The following PEX5L variants were observed in gnomAD, a reference collection of about 807,000 sequenced individuals.
The protein encoded by PEX5L is peroxisomal biogenesis factor 5 like.
PEX5L carries 30 observed loss-of-function variants against 84.0 expected under a neutral mutation model. That is an observed-to-expected ratio of 0.36 (90% CI 0.27 to 0.48). The LOEUF (loss-of-function observed/expected upper bound fraction) is 0.48. PEX5L is among the 20% of genes least tolerant of loss of function. The pLI is 0.99. For synonymous variants in PEX5L, 270 were observed against 283.1 expected (o/e 0.95, Z 0.46); for missense variants, 533 against 754.6 (o/e 0.71, Z 3.44).
intron 8 of PEX5L, among the ~76,000 whole-genome samples, chr3:179,832,021 G>A (rs1473997279): frequency 1.3e-5 from 2 of 152,140 alleles, no homozygotes; most frequent in Admixed American, 6.5e-5. Flanking sequence ...GTTGAAATGA[G>A]GAGAATGGAG....
At chr3:179,984,943 C>G (rs1473718759) in intron 1 of PEX5L, among the ~76,000 whole-genome samples, 1 of 152,196 alleles carries the variant, frequency 6.6e-6, no homozygotes, top group East Asian at 1.9e-4. Context: ...CTTTGTCTAT[C>G]TAGAAAGTGC....
chr3:179,985,121 G>C (rs1352241980), intron 1 of PEX5L, among the ~76,000 whole-genome samples: 1 of 152,166 alleles, frequency 6.6e-6, no homozygotes, highest in Non-Finnish European at 1.5e-5. Flanking sequence ...TTGGATTTGG[G>C]CACAGCTCCT....
intron 8 of PEX5L, among the ~76,000 whole-genome samples, chr3:179,833,083 TCC>T (rs1280960988): frequency 1.3e-5 from 2 of 152,220 alleles, no homozygotes; most frequent in African/African-American, 4.8e-5. Flanking sequence ...GTCCAACTCC[TCC>T]TTATGAGGAT....
chr3:180,021,013 G>A (rs1350534639), intron 1 of PEX5L, among the ~76,000 whole-genome samples: 1 of 152,156 alleles, frequency 6.6e-6, no homozygotes, highest in Non-Finnish European at 1.5e-5. Context: ...CCACCAAGAA[G>A]TAGGGTAAGG....
At chr3:180,025,366 T>C (rs1301230175) in intron 1 of PEX5L, among the ~76,000 whole-genome samples, 2 of 152,200 alleles carry the variant, frequency 1.3e-5, no homozygotes, top group Non-Finnish European at 1.5e-5. Flanking sequence ...GTAAAGAGTA[T>C]ATACTTTGCA....
At chr3:179,914,589 T>TGAAG (rs1209881369) in intron 2 of PEX5L, among the ~76,000 whole-genome samples, 41 of 152,366 alleles carry the variant, frequency 2.7e-4, no homozygotes, top group African/African-American at 9.6e-4. Context: ...GATGGATGAA[T>TGAAG]GAAGGCATGA....
At chr3:179,868,505 T>C (rs977240280) in intron 7 of PEX5L, among the ~76,000 whole-genome samples, 7 of 152,126 alleles carry the variant, frequency 4.6e-5, no homozygotes, top group Non-Finnish European at 1.0e-4. Flanking sequence ...ATCAAAATGT[T>C]TTACTCCAAA....
intron 2 of PEX5L, among the ~76,000 whole-genome samples, chr3:179,926,609 C>T (rs1305864149): frequency 6.6e-6 from 1 of 152,174 alleles, no homozygotes; most frequent in African/African-American, 2.4e-5. Flanking sequence ...TTATCTCGTG[C>T]TAATTCTGTG....
At position 179,952,675 on chromosome 3, in the gene PEX5L, C is replaced by G. The variant is rs190891348; in HGVS notation, c.93+18919G>C. ...CAATATTGTGAAAATGGCCATACTG[C>G]CCAAAGTAATTTATAGATTCAATGC... On this transcript the variant is annotated intron_variant, in intron 2 of 14. Coordinates refer to ENST00000467460, the MANE Select transcript of PEX5L (RefSeq NM_016559.3). Among the ~76,000 whole-genome samples the G allele has an allele frequency of 5.3e-5, 8 of 152,230 alleles. No homozygotes were observed. In the East Asian group the frequency reaches 1.5e-3, roughly 29 times the overall value.
chr3:179,963,419 A>G (rs538411669), intron 2 of PEX5L, among the ~76,000 whole-genome samples: 24 of 152,304 alleles, frequency 1.6e-4, no homozygotes, highest in African/African-American at 5.5e-4. Context: ...AAGGAACATA[A>G]GGCCAGCGTC....
chr3:180,030,194 C>T (rs1282915500), intron 1 of PEX5L, among the ~76,000 whole-genome samples: 1 of 152,160 alleles, frequency 6.6e-6, no homozygotes, highest in Non-Finnish European at 1.5e-5. Context: ...TCACATATAC[C>T]TAGTGTGAGG....
rs148559735 is a variant in PEX5L at position 179,797,829 on chromosome 3, T to C, written c.*3999A>G. ...TGGCATATAAAGTAAGCCTTTAGAA[T>C]ACCCTGTTTCTAGAATGTTCTAGAA... On this transcript the variant is annotated 3_prime_UTR_variant, in exon 15 of 15. Transcript: ENST00000467460. 3.3e-5 allele frequency: 5 copies of C among 152,172 alleles called. No individual in the cohort carries two copies. In the East Asian group the frequency reaches 9.7e-4, roughly 29 times the overall value. 9.4% of individuals were successfully genotyped at this position (152,172 alleles called of 1,614,324 possible). A position where few individuals can be genotyped will look rare whatever the true frequency, so the allele number is the denominator to read the frequency against.
intron 1 of PEX5L, among the ~76,000 whole-genome samples, chr3:179,998,484 T>TA (rs1788098530): frequency 6.6e-6 from 1 of 152,194 alleles, no homozygotes; most frequent in South Asian, 2.1e-4. Flanking sequence ...GGCAGACCTC[T>TA]ATAGGTGAAT....
At chr3:179,924,419 T>C (rs1309708802) in intron 2 of PEX5L, among the ~76,000 whole-genome samples, 1 of 152,168 alleles carries the variant, frequency 6.6e-6, no homozygotes, top group Non-Finnish European at 1.5e-5. Context: ...ATTGATGTTT[T>C]TGGAATGAAT....
intron 2 of PEX5L, among the ~76,000 whole-genome samples, chr3:179,967,202 G>C (rs111787427): frequency 6.6e-6 from 1 of 152,122 alleles, no homozygotes; most frequent in East Asian, 1.9e-4. Context: ...AATGAGCAAT[G>C]GTACAGAGCT....
At position 179,819,754 on chromosome 3, in the gene PEX5L, T is replaced by G; in HGVS notation, c.939+106A>C. 7 of 972,780 alleles carry G rather than the reference T, an allele frequency of 7.2e-6. No homozygotes were observed. The South Asian group carries it at 9.4e-5, about 13-fold the overall frequency. The allele number at this position is 972,780 out of a possible 1,614,324, so 60.3% of individuals were successfully genotyped here. A position where few individuals can be genotyped will look rare whatever the true frequency, so the allele number is the denominator to read the frequency against. On this transcript the variant is annotated intron_variant, in intron 9 of 14. Coordinates refer to ENST00000467460, the MANE Select transcript of PEX5L (RefSeq NM_016559.3). The stretch of plus-strand genomic sequence containing the variant: ...AGGTCAGATTGACATTAAATTGTCT[T>G]TTTAATTACTGTGTTTTTGACAGAA...
intron 14 of PEX5L, among the ~76,000 whole-genome samples, chr3:179,807,057 G>A (rs181101843): frequency 2.4e-4 from 36 of 152,276 alleles, no homozygotes; most frequent in Non-Finnish European, 2.9e-4. Flanking sequence ...AGAAATAAAG[G>A]TCATTTCTAG....
In PEX5L at chr3:179,808,257, G is replaced by T; in HGVS notation, c.1518+15C>A. 6.5e-7 allele frequency: 1 copy of T among 1,537,790 alleles called. No individual in the cohort carries two copies. The highest frequency in any genetic ancestry group is 8.7e-7 in the Non-Finnish European group (1 of 1,144,774). The stretch of plus-strand genomic sequence containing the variant: ...AGAGAACGCTGTGGTTTCTTGCTGT[G>T]CTGTGCTGTCTTACCTCTGGCCGAA... On this transcript the variant is annotated intron_variant, in intron 13 of 14. Transcript: ENST00000467460.
intron 1 of PEX5L, among the ~76,000 whole-genome samples, chr3:180,012,207 A>G (rs1050736146): frequency 6.6e-6 from 1 of 152,170 alleles, no homozygotes; most frequent in Non-Finnish European, 1.5e-5. Flanking sequence ...CTACTCTGAG[A>G]TGAACAGTGA....
Sources: gnomAD v4.1 joint callset for allele counts (sites outside exome capture counted in the v4.1 genomes callset) on GRCh38, gnomAD v4.1.1 for gene constraint, MANE v1.5 for transcripts, NCBI Gene and HGNC (gene_info 2026-07-23, HGNC 2026-07-21) for gene names.